AAGAB: variants seen among roughly 807,000 people sequenced by gnomAD.
AAGAB encodes alpha and gamma adaptin binding protein.
A neutral mutation model predicts 44.1 loss-of-function variants in AAGAB; 38 were observed. The observed-to-expected ratio is 0.86, with a 90% confidence interval of 0.67 to 1.13. The LOEUF (loss-of-function observed/expected upper bound fraction) is 1.13, where lower values mean the gene tolerates loss of function less well. Among genes scored for constraint, AAGAB ranks in the 50% most tolerant of loss-of-function variants. The probability of loss-of-function intolerance (pLI) is 0.00; values close to 1 mark genes in which losing one functional copy is unlikely to be tolerated. For synonymous variants in AAGAB, 131 were observed against 131.8 expected (o/e 0.99, Z 0.04); for missense variants, 450 against 373.8 (o/e 1.20, Z -1.68).
chr15:67,211,353 A>G (rs950367902), intron 5 of AAGAB, among the ~76,000 whole-genome samples: 2 of 152,096 alleles, frequency 1.3e-5, no homozygotes, highest in Non-Finnish European at 2.9e-5. Context: ...CCTCATCCAA[A>G]GGCCTAGGTG....
chr15:67,234,825 A>G (rs1026440012), intron 4 of AAGAB, among the ~76,000 whole-genome samples: 12 of 152,312 alleles, frequency 7.9e-5, no homozygotes, highest in African/African-American at 2.4e-4. Context: ...AAAACACAGA[A>G]AAAGATGTAC....
upstream of AAGAB, chr15:67,255,024 C>T (rs1041308137): frequency 2.9e-6 from 4 of 1,389,346 alleles, no homozygotes; most frequent in Non-Finnish European, 4.0e-6. Flanking sequence ...GCCGATTCAC[C>T]GACGCTCACC....
chr15:67,217,871 G>A (rs928757262), intron 5 of AAGAB, among the ~76,000 whole-genome samples: 1 of 152,220 alleles, frequency 6.6e-6, no homozygotes, highest in Non-Finnish European at 1.5e-5. Flanking sequence ...TGTACAGCAG[G>A]TGCAAATGAT....
At chr15:67,215,349 T>G (rs1384922167) in intron 5 of AAGAB, among the ~76,000 whole-genome samples, 2 of 152,202 alleles carry the variant, frequency 1.3e-5, no homozygotes, top group Non-Finnish European at 2.9e-5. Context: ...CTGCAAGCAT[T>G]AGCTATGTAA....
At chr15:67,254,994 T>A (rs1290101122), upstream of AAGAB, 1 of 1,579,924 alleles carries the variant, frequency 6.3e-7, no homozygotes, top group East Asian at 2.3e-5. Context: ...GCCGCGCCAC[T>A]TCCGAGCGAG....
rs1964469997 is a variant in AAGAB, at chr15:67,236,513, A to G, written c.265-9T>C. ...CTATCAAGGCCCGATTTCTAGAGGG[A>G]ACAAAAAATATAAACAAACAAAAAC... On this transcript the variant is annotated splice_polypyrimidine_tract_variant and intron_variant, in intron 2 of 9. Coordinates refer to ENST00000261880, the MANE Select transcript of AAGAB (RefSeq NM_024666.5). The G allele has an allele frequency of 1.2e-6, 2 of 1,612,902 alleles. No individual in the cohort carries two copies. Among genetic ancestry groups the G allele is most frequent in the South Asian group, 2.2e-5 (2 of 90,888 alleles).
intron 5 of AAGAB, among the ~76,000 whole-genome samples, chr15:67,211,902 CAG>C (rs1203454756): frequency 3.4e-5 from 5 of 149,222 alleles, no homozygotes; most frequent in African/African-American, 9.9e-5. Flanking sequence ...TTTTTTGAGA[CAG>C]AGTCTCACTC....
intron 1 of AAGAB, among the ~76,000 whole-genome samples, chr15:67,247,444 G>A (rs535074563): frequency 6.6e-6 from 1 of 152,128 alleles, no homozygotes; most frequent in Non-Finnish European, 1.5e-5. Flanking sequence ...TTTACCTTTT[G>A]CCATACAAAA....
chr15:67,228,789 T>C (rs78197733), intron 5 of AAGAB, among the ~76,000 whole-genome samples: 2 of 152,220 alleles, frequency 1.3e-5, no homozygotes, highest in East Asian at 3.9e-4. Flanking sequence ...GAATACTACA[T>C]AGGCATAAAA....
chr15:67,216,461 A>C (rs1414863118), intron 5 of AAGAB, among the ~76,000 whole-genome samples: 2 of 149,440 alleles, frequency 1.3e-5, no homozygotes, highest in East Asian at 3.9e-4. Flanking sequence ...AAAAAAAAAA[A>C]AAAAAAACAA....
rs546547544 is a variant in AAGAB at position 67,229,710 on chromosome 15, G to A, written c.535+2104C>T. Among the ~76,000 whole-genome samples, 25 of 152,162 alleles carry A rather than the reference G, an allele frequency of 1.6e-4. No individual in the cohort carries two copies. The South Asian group carries it at 2.9e-3, about 18-fold the overall frequency. On this transcript the variant is annotated intron_variant, in intron 5 of 9. Transcript: ENST00000261880. ...TCAGACCTCAGGAAAGCTAAAGGGT[G>A]CCAATCTCACTTAACACTCAAGGGT... is the stretch of plus-strand genomic sequence containing the variant.
chr15:67,209,841 G>GT (rs1316221427), intron 5 of AAGAB, among the ~76,000 whole-genome samples: 4 of 151,758 alleles, frequency 2.6e-5, no homozygotes, highest in East Asian at 1.9e-4. Context: ...ATTATTTCTT[G>GT]TTTTTTGTAG....
intron 4 of AAGAB, among the ~76,000 whole-genome samples, chr15:67,234,252 C>CAAAT (rs972165236): frequency 2.6e-4 from 40 of 151,692 alleles, no homozygotes; most frequent in Middle Eastern, 3.4e-3. Flanking sequence ...GACTCTGTCT[C>CAAAT]AAATAAATAA....
At chr15:67,218,398 A>G (rs1963998095) in intron 5 of AAGAB, among the ~76,000 whole-genome samples, 1 of 152,206 alleles carries the variant, frequency 6.6e-6, no homozygotes, top group Non-Finnish European at 1.5e-5. Flanking sequence ...GTCACTGTAC[A>G]TAATACTACC....
intron 7 of AAGAB, 132 bp from the exon 8 acceptor site, chr15:67,204,280 C>T (rs1415610035): frequency 7.0e-6 from 4 of 570,196 alleles, no homozygotes; most frequent in Non-Finnish European, 1.2e-5. Flanking sequence ...AGCTTTACAG[C>T]TCATGGCTCA....
At chr15:67,221,989 A>C (rs1289200178) in intron 5 of AAGAB, among the ~76,000 whole-genome samples, 1 of 152,038 alleles carries the variant, frequency 6.6e-6, no homozygotes, top group African/African-American at 2.4e-5. Flanking sequence ...TATTTTTCCA[A>C]GTCCCTCTCA....
chr15:67,213,273 C>A (rs1963865402), intron 5 of AAGAB, among the ~76,000 whole-genome samples: 1 of 151,990 alleles, frequency 6.6e-6, no homozygotes, highest in African/African-American at 2.4e-5. Context: ...ATAGATTCTT[C>A]CAGAAAGTGT....
chr15:67,255,123 T>A (rs564582197), upstream of AAGAB: 4 of 650,918 alleles, frequency 6.1e-6, no homozygotes, highest in Non-Finnish European at 1.1e-5. Context: ...CCCAGCACAC[T>A]CCCGGTGACT....
chr15:67,218,439 GAAACAAACAAAC>G (rs34755684), intron 5 of AAGAB, among the ~76,000 whole-genome samples: 1 of 151,502 alleles, frequency 6.6e-6, no homozygotes, highest in African/African-American at 2.4e-5. Flanking sequence ...AACCTAGCCT[GAAACAAACAAAC>G]AAACAAACAA....
Sources: allele counts gnomAD v4.1 joint callset (sites outside exome capture counted in the v4.1 genomes callset), GRCh38; gene constraint gnomAD v4.1.1; transcripts MANE v1.5; gene names NCBI Gene and HGNC (gene_info 2026-07-23, HGNC 2026-07-21).